GALNS: variants seen among roughly 807,000 people sequenced by gnomAD.
GALNS encodes N-acetylgalactosamine-6-sulfatase.
In GALNS, 65 loss-of-function variants were observed where a neutral mutation model predicts 65.9. The observed-to-expected ratio is 0.99, with a 90% CI of 0.81 to 1.21. The LOEUF is 1.21. GALNS is among the 50% of genes most tolerant of loss of function. GALNS has a pLI of 0.00. For synonymous variants in GALNS, 346 were observed against 288.9 expected, an observed-to-expected ratio of 1.20 and a Z score of -2.00; for missense variants, 776 against 700.7, an observed-to-expected ratio of 1.11 and a Z score of -1.21.
chr16:88,833,856 G>A (rs1471522287), intron 8 of GALNS, among the ~76,000 whole-genome samples: 1 of 152,116 alleles, frequency 6.6e-6, no homozygotes, highest in Non-Finnish European at 1.5e-5. Flanking sequence ...ACCATTTGTT[G>A]GTATGAAACA....
rs559063128 is a variant in GALNS at position 88,837,736 on chromosome 16, G to A, written c.452C>T (p.Pro151Leu). ...CCACTCATCAAATCCGTGCTTCAGGGGGTGGAACTGGGGCCTGTGACCCAG... is the reference window on the plus strand; with the variant it reads ...CCACTCATCAAATCCGTGCTTCAGGAGGTGGAACTGGGGCCTGTGACCCAG... ...WHLGHRPQFHPLKHGFDEWFG... is the reference protein window; with the variant it reads ...WHLGHRPQFHLLKHGFDEWFG... Residue 151 changes from proline (P) to leucine (L), a missense_variant, in exon 5 of 14, where the codon CCC becomes CTC. Physicochemically the swap from Pro to Leu is moderately conservative, Grantham distance 98 (BLOSUM62 -3). Transcript: ENST00000268695. The A allele has an allele frequency of 9.9e-6, 16 of 1,614,010 alleles. No individual in the cohort carries two copies. In the South Asian group the frequency reaches 1.5e-4, roughly 16 times the overall value.
At chr16:88,816,215 C>T (rs927716442) in intron 13 of GALNS, 36 of 985,342 alleles carry the variant, frequency 3.7e-5, no homozygotes, top group Non-Finnish European at 4.3e-5. Flanking sequence ...GCTGTGTGCG[C>T]CCACCTCCCC....
rs528656838 is a variant in GALNS at position 88,829,572 on chromosome 16, A to G, written c.1002+2426T>C. 9.2e-5 allele frequency among the ~76,000 whole-genome samples: 14 copies of G among 152,354 alleles called. No homozygotes were observed. In the South Asian group the frequency reaches 2.9e-3, roughly 32 times the overall value. On this transcript the variant is annotated intron_variant, in intron 9 of 13. Coordinates refer to ENST00000268695, the MANE Select transcript of GALNS (RefSeq NM_000512.5). ...AGGGAGGCCCAGACAGCTGTAGAGA[A>G]CAGGCGCCCTTGGCAGTTGCCGCCC...
intron 9 of GALNS, among the ~76,000 whole-genome samples, chr16:88,829,437 G>A (rs139861228): frequency 2.9e-4 from 44 of 152,362 alleles, no homozygotes; most frequent in African/African-American, 1.0e-3. Context: ...ACACGGAGCC[G>A]CAGCTGCCTT....
chr16:88,834,186 G>A lies in GALNS; in HGVS notation c.898+1027C>T, dbSNP rs533515603. ...GGGGAGCTATCTGGTGGGACGTGGC[G>A]CGAGGGAGCCTATGCTTCTGTTTTG... On this transcript the variant is annotated intron_variant, in intron 8 of 13. Transcript: ENST00000268695. Among the ~76,000 whole-genome samples, 545 of 152,378 alleles carry A rather than the reference G, an allele frequency of 3.6e-3. 5 individuals carry two copies. Among genetic ancestry groups the A allele is most frequent in the African/African-American group, 0.012 (496 of 41,598 alleles).
At position 88,854,915 on chromosome 16, in the gene GALNS, C is replaced by T. The variant is rs865831139; in HGVS notation, c.120+1843G>A. Among the ~76,000 whole-genome samples the T allele has an allele frequency of 5.9e-5, 9 of 152,238 alleles. No homozygotes were observed. The East Asian group carries it at 7.7e-4, about 13-fold the overall frequency. On this transcript the variant is annotated intron_variant, in intron 1 of 13. Transcript: ENST00000268695. ...GGTTCTTTAGGCGTCAGCTGCCAAA[C>T]GACCCCACAAGCCACACAGTGGAGG...
chr16:88,853,796 C>A (rs1237226940), intron 1 of GALNS, among the ~76,000 whole-genome samples: 1 of 152,152 alleles, frequency 6.6e-6, no homozygotes, highest in Non-Finnish European at 1.5e-5. Context: ...CAGGGCAGGG[C>A]AGCCCTGGGG....
intron 10 of GALNS, 150 bp from the exon 11 acceptor site, chr16:88,825,019 C>A: frequency 1.5e-6 from 1 of 675,020 alleles, no homozygotes; most frequent in Non-Finnish European, 2.5e-6. Flanking sequence ...AGTAAAAAGG[C>A]CCGCAAGGTG....
Position 88,818,098 on chromosome 16 carries a change from G to A in GALNS, c.1391C>T (p.Ala464Val), listed in dbSNP as rs1266568176. Residue 464 changes from alanine (A) to valine (V), a missense_variant, in exon 13 of 14, where the codon GCC becomes GTC. Coordinates refer to ENST00000268695, the MANE Select transcript of GALNS (RefSeq NM_000512.5). Reference protein sequence around the residue: ...LSFASAEYQEALSRITSVVQQ... With the variant: ...LSFASAEYQEVLSRITSVVQQ... ...GACGACCGAGGTGATCCTGCTGAGG[G>A]CCTCCTGGTACTCGGCGCTGGCAAA... The A allele has an allele frequency of 1.9e-6, 3 of 1,573,690 alleles. No homozygotes were observed. The highest frequency in any genetic ancestry group is 1.2e-5 in the South Asian group (1 of 86,444).
Position 88,856,839 on chromosome 16 carries a change from C to T in GALNS, c.39G>A (p.Leu13=), listed in dbSNP as rs767326423. The change falls in exon 1 of 14, where the codon CTG becomes CTA. Residue 13 remains leucine (L), a synonymous_variant. Transcript: ENST00000268695. ...AVVAATRWWQ[L]LLVLSAAGMG... is the part of the protein sequence containing the mutation. ...TCCCCGCGGCGCTGAGCACCAGCAA[C>T]AGCTGCCACCACCTCGTCGCCGCGA... 4.4e-5 allele frequency: 67 copies of T among 1,518,778 alleles called. No individual in the cohort carries two copies. Among genetic ancestry groups the T allele is most frequent in the Non-Finnish European group, 5.6e-5 (64 of 1,142,632 alleles). The allele number at this position is 1,518,778 out of a possible 1,614,324, so 94.1% of individuals were successfully genotyped here.
At chr16:88,856,131 G>A in intron 1 of GALNS, 1 of 701,222 alleles carries the variant, frequency 1.4e-6, no homozygotes, top group South Asian at 1.5e-5. Flanking sequence ...CAGGCTGGCT[G>A]TGACCCCTGA....
chr16:88,833,421 T>TC (rs1911724039), intron 8 of GALNS, among the ~76,000 whole-genome samples: 1 of 132,060 alleles, frequency 7.6e-6, no homozygotes, highest in African/African-American at 2.9e-5. Context: ...TCTCCTTCCC[T>TC]CCCTCCCTTT....
intron 1 of GALNS, among the ~76,000 whole-genome samples, chr16:88,847,516 G>A (rs949413171): frequency 6.6e-6 from 1 of 152,222 alleles, no homozygotes; most frequent in African/African-American, 2.4e-5. Flanking sequence ...GGCTGTGCCT[G>A]GAGGCCGAGT....
In GALNS at chr16:88,814,497, A is replaced by T; in HGVS notation, c.1511T>A (p.Leu504Ter). 1 of 1,561,054 alleles carries T rather than the reference A, an allele frequency of 6.4e-7. No individual in the cohort carries two copies. Among genetic ancestry groups the T allele is most frequent in the Non-Finnish European group, 8.7e-7 (1 of 1,151,838 alleles). ...MNWAPPGCEK[L>*]GKCLTPPESI... ...TTCTGGAGGTGTCAGACACTTCCCT[A>T]ACTTTTCACAGCCCGGAGGTGCCCA... The change falls in exon 14 of 14, where the codon TTA becomes TAA. Residue 504 changes from leucine (L) to a stop codon, truncating the protein, a stop_gained. Transcript: ENST00000268695. LOFTEE classifies it high-confidence loss of function.
chr16:88,818,600 A>C (rs1567513791), intron 12 of GALNS, among the ~76,000 whole-genome samples: 1 of 152,156 alleles, frequency 6.6e-6, no homozygotes, highest in Non-Finnish European at 1.5e-5. Flanking sequence ...CAAGCTGCGG[A>C]GTGTTTGGAT....
chr16:88,826,106 G>A (rs1232683988), intron 10 of GALNS, among the ~76,000 whole-genome samples: 1 of 151,874 alleles, frequency 6.6e-6, no homozygotes, highest in African/African-American at 2.4e-5. Flanking sequence ...GAAGCCATGA[G>A]GCACCAAAAA....
chr16:88,826,971 CA>C lies in GALNS; in HGVS notation c.1003-134del, dbSNP rs3833041. The C allele has an allele frequency of 0.04, 43,322 of 1,094,766 alleles. 1,075 individuals are homozygous for C. The highest frequency in any genetic ancestry group is 0.073 in the South Asian group (5,312 of 72,512). The allele number at this position is 1,094,766 out of a possible 1,614,324, so 67.8% of individuals were successfully genotyped here. A position where few individuals can be genotyped will look rare whatever the true frequency, so the allele number is the denominator to read the frequency against. On this transcript the variant is annotated intron_variant, in intron 9 of 13. Transcript: ENST00000268695. ...ATATGCATACATGCTCACACGCCCA[CA>C]GCAGGGACTGAGCGGGGTCACAAGG...
chr16:88,843,186 C>T lies in GALNS; in HGVS notation c.121-357G>A, dbSNP rs1567538703. The T allele has an allele frequency of 2.2e-6, 3 of 1,364,306 alleles. No individual in the cohort carries two copies. The East Asian group carries it at 1.2e-4, about 56-fold the overall frequency. 84.5% of individuals were successfully genotyped at this position (1,364,306 alleles called of 1,614,324 possible). A position where few individuals can be genotyped will look rare whatever the true frequency, so the allele number is the denominator to read the frequency against. ...TCTGCATGCTCGCAGGAGCTGGCCT[C>T]TAAACACGTGCATCTATTTTCAACA... is the stretch of plus-strand genomic sequence containing the variant. On this transcript the variant is annotated intron_variant, in intron 1 of 13. Transcript: ENST00000268695.
At chr16:88,824,339 C>T (rs373999150) in intron 11 of GALNS, among the ~76,000 whole-genome samples, 1 of 151,992 alleles carries the variant, frequency 6.6e-6, no homozygotes, top group African/African-American at 2.4e-5. Flanking sequence ...GTGCGTGTGG[C>T]GTTTCACCCT....
Sources: allele counts gnomAD v4.1 joint callset (sites outside exome capture counted in the v4.1 genomes callset), GRCh38; gene constraint gnomAD v4.1.1; transcripts MANE v1.5; gene names NCBI Gene and HGNC (gene_info 2026-07-23, HGNC 2026-07-21).